TLN2: variants seen among roughly 807,000 people sequenced by gnomAD.
TLN2 encodes the protein talin-2.
Under a neutral mutation model 294.7 loss-of-function variants are expected in TLN2, and 118 were observed. The ratio of observed to expected loss-of-function variants is 0.40; its 90% confidence interval spans 0.34 to 0.47. The LOEUF is 0.47. Ranked by LOEUF, TLN2 falls within the 20% of genes least tolerant of loss-of-function variation. The probability of loss-of-function intolerance (pLI) is 0.84; values close to 1 mark genes in which losing one functional copy is unlikely to be tolerated. For synonymous variants in TLN2, 1,431 were observed against 1,304.5 expected (o/e 1.10, Z -2.09); for missense variants, 3,083 against 3,282.2 (o/e 0.94, Z 1.48).
At chr15:62,571,783 T>G (rs1321512335) in intron 1 of TLN2, among the ~76,000 whole-genome samples, 1 of 152,216 alleles carries the variant, frequency 6.6e-6, no homozygotes, top group Non-Finnish European at 1.5e-5. Flanking sequence ...CTGTACATAT[T>G]TCAGTATACA....
At chr15:62,631,637 T>TTC (rs759071008) in intron 3 of TLN2, among the ~76,000 whole-genome samples, 192 of 133,042 alleles carry the variant, frequency 1.4e-3, no homozygotes, top group Non-Finnish European at 2.5e-3. Context: ...CTCCCTTTCT[T>TTC]TCTCTTTCTT....
At chr15:62,753,952 T>A in intron 36 of TLN2, 36 bp downstream of exon 36, 1 of 1,515,968 alleles carries the variant, frequency 6.6e-7, no homozygotes, top group African/African-American at 1.4e-5. Context: ...TTCAAGCCCT[T>A]AAGCAGCTCC....
intron 1 of TLN2, among the ~76,000 whole-genome samples, chr15:62,431,730 A>G (rs2035021998): frequency 6.6e-6 from 1 of 152,252 alleles, no homozygotes; most frequent in Non-Finnish European, 1.5e-5. Context: ...GAAAGAAGAA[A>G]GGGAAAATGG....
intron 1 of TLN2, among the ~76,000 whole-genome samples, chr15:62,515,420 A>C (rs1394915052): frequency 2.6e-5 from 4 of 152,230 alleles, no homozygotes; most frequent in Non-Finnish European, 5.9e-5. Flanking sequence ...AAGAGCCAGC[A>C]AGTTGTGGTC....
chr15:62,712,195 A>G (rs2141131899), intron 22 of TLN2, 118 bp downstream of exon 22: 2 of 1,266,976 alleles, frequency 1.6e-6, no homozygotes, highest in Middle Eastern at 2.2e-4. Context: ...CTTAAAACCT[A>G]TATGGCTTGT....
At chr15:62,736,236 C>T (rs1049883855) in intron 28 of TLN2, among the ~76,000 whole-genome samples, 3 of 150,984 alleles carry the variant, frequency 2.0e-5, no homozygotes, top group Admixed American at 6.6e-5. Flanking sequence ...AGGAGAATGG[C>T]GTGAACCTGG....
At chr15:62,588,808 TTGAA>T (rs1342195517) in intron 1 of TLN2, among the ~76,000 whole-genome samples, 1 of 149,494 alleles carries the variant, frequency 6.7e-6, no homozygotes, top group East Asian at 2.0e-4. Context: ...TCTAAAATTT[TTGAA>T]TGGCAAAAAT....
At chr15:62,518,270 C>T (rs1595994699) in intron 1 of TLN2, among the ~76,000 whole-genome samples, 1 of 152,294 alleles carries the variant, frequency 6.6e-6, no homozygotes, top group East Asian at 1.9e-4. Context: ...AACTCCTGAC[C>T]TTGTGATCTG....
At chr15:62,793,659 C>T (rs781019132) in intron 46 of TLN2, among the ~76,000 whole-genome samples, 48 of 152,122 alleles carry the variant, frequency 3.2e-4, no homozygotes, top group African/African-American at 7.5e-4. Flanking sequence ...AGTAGCTCTT[C>T]TATTCTCCCC....
In TLN2 at chr15:62,841,984, T is replaced by A. The variant is rs1349362490; in HGVS notation, c.*1374T>A. The A allele has an allele frequency of 1.3e-5, 2 of 151,976 alleles. No individual in the cohort carries two copies. The highest frequency in any genetic ancestry group is 3.9e-4 in the East Asian group (2 of 5,188). The allele number at this position is 151,976 out of a possible 1,614,324, so 9.4% of individuals were successfully genotyped here. ...CCCTCCGCCTCTCTCTCTCTCTCTC[T>A]CTCTGGTGTGCTATCATGTCTTGGA... On this transcript the variant is annotated 3_prime_UTR_variant, in exon 59 of 59. Transcript: ENST00000636159.
chr15:62,828,500 ATAAGAGTGC>A (rs1313214078), intron 54 of TLN2: 4 of 152,284 alleles, frequency 2.6e-5, no homozygotes, highest in Admixed American at 2.6e-4. Flanking sequence ...GTCTTGTTAC[ATAAGAGTGC>A]CTCTTGGTAA....
At chr15:62,615,681 C>T (rs554032747) in intron 2 of TLN2, among the ~76,000 whole-genome samples, 13 of 152,156 alleles carry the variant, frequency 8.5e-5, no homozygotes, top group Non-Finnish European at 1.9e-4. Flanking sequence ...GCAAACAAAG[C>T]AGTGATGGAT....
intron 48 of TLN2, among the ~76,000 whole-genome samples, chr15:62,797,831 C>T (rs2065615350): frequency 1.3e-5 from 2 of 152,178 alleles, no homozygotes; most frequent in Non-Finnish European, 2.9e-5. Context: ...GCGCGTGAGC[C>T]TGCCCAGGCA....
At chr15:62,524,882 T>A (rs1382909788) in intron 1 of TLN2, among the ~76,000 whole-genome samples, 1 of 152,192 alleles carries the variant, frequency 6.6e-6, no homozygotes, top group South Asian at 2.1e-4. Flanking sequence ...ATTGAAAGGA[T>A]TTTGAAGTTG....
At chr15:62,720,193 A>T (rs998819092) in intron 25 of TLN2, among the ~76,000 whole-genome samples, 7 of 152,368 alleles carry the variant, frequency 4.6e-5, no homozygotes, top group Admixed American at 3.3e-4. Context: ...ACAGCCTAGG[A>T]CTAGGCATTG....
At chr15:62,730,330 G>T (rs759013939) in intron 28 of TLN2, among the ~76,000 whole-genome samples, 8 of 152,082 alleles carry the variant, frequency 5.3e-5, no homozygotes, top group African/African-American at 1.7e-4. Context: ...GTGAGCCACC[G>T]CACCCAGCCT....
chr15:62,421,241 G>A (rs1156879368), intron 1 of TLN2, among the ~76,000 whole-genome samples: 1 of 152,124 alleles, frequency 6.6e-6, no homozygotes, highest in Non-Finnish European at 1.5e-5. Flanking sequence ...CACCATGTTG[G>A]CCATGGCTGG....
chr15:62,668,237 CCA>C (rs1179527348), intron 9 of TLN2, among the ~76,000 whole-genome samples: 6 of 152,038 alleles, frequency 3.9e-5, no homozygotes, highest in African/African-American at 9.7e-5. Flanking sequence ...GTAAATTTTA[CCA>C]CACACATAGA....
chr15:62,620,045 G>A (rs150940626), intron 3 of TLN2, among the ~76,000 whole-genome samples: 1 of 152,194 alleles, frequency 6.6e-6, no homozygotes, highest in East Asian at 1.9e-4. Flanking sequence ...GCCTGCTTAT[G>A]GCTCACTTCA....
Sources: allele counts gnomAD v4.1 joint callset (sites outside exome capture counted in the v4.1 genomes callset), GRCh38; gene constraint gnomAD v4.1.1; transcripts MANE v1.5; gene names NCBI Gene and HGNC (gene_info 2026-07-23, HGNC 2026-07-21).